Variants in ANKRD44 observed in about 807,000 individuals in gnomAD.
ANKRD44 encodes the protein ankyrin repeat domain 44.
A neutral mutation model predicts 116.0 loss-of-function variants in ANKRD44; 35 were observed. That is an observed-to-expected ratio of 0.30 (90% confidence interval 0.23 to 0.40). The LOEUF is 0.40. ANKRD44 is among the 10% of genes least tolerant of loss of function. The pLI is 1.00. For synonymous variants in ANKRD44, 435 were observed against 461.8 expected (o/e 0.94, Z 0.74); for missense variants, 1,014 against 1,242.6 (o/e 0.82, Z 2.77).
At position 197,310,694 on chromosome 2, in the gene ANKRD44, GA is replaced by G; in HGVS notation, c.-91del. ...GGGGAAGCGGAAGGGATTGCCAGGA[GA>G]AGGGAAAAAATCTGGCTCCCGAATT... On this transcript the variant is annotated 5_prime_UTR_variant, in exon 1 of 28. Transcript: ENST00000282272. 8.1e-7 allele frequency: 1 copy of G among 1,240,634 alleles called. No homozygotes were observed. The highest frequency in any genetic ancestry group is 1.0e-6 in the Non-Finnish European group (1 of 964,968). 76.9% of individuals were successfully genotyped at this position (1,240,634 alleles called of 1,614,324 possible).
chr2:197,091,392 C>G (rs2078040162), intron 10 of ANKRD44, among the ~76,000 whole-genome samples: 1 of 152,220 alleles, frequency 6.6e-6, no homozygotes, highest in Non-Finnish European at 1.5e-5. Context: ...ACAAAGGGGT[C>G]AGGGAAATAT....
At chr2:197,097,252 C>A (rs1424132549) in intron 10 of ANKRD44, among the ~76,000 whole-genome samples, 1 of 152,058 alleles carries the variant, frequency 6.6e-6, no homozygotes, top group Non-Finnish European at 1.5e-5. Context: ...GGAAGAAAAT[C>A]AGAAATTCAT....
chr2:196,997,588 T>C (rs1244250867), intron 25 of ANKRD44, among the ~76,000 whole-genome samples: 1 of 151,898 alleles, frequency 6.6e-6, no homozygotes, highest in Non-Finnish European at 1.5e-5. Context: ...TAGCTGGGAT[T>C]ACAGGCATGC....
chr2:197,046,611 A>C (rs1400903703), intron 16 of ANKRD44, among the ~76,000 whole-genome samples: 3 of 147,430 alleles, frequency 2.0e-5, no homozygotes, highest in Non-Finnish European at 4.4e-5. Flanking sequence ...GTGCCACTGC[A>C]CTCCAGCCTG....
At chr2:197,015,968 G>T in intron 17 of ANKRD44, 1 of 542,782 alleles carries the variant, frequency 1.8e-6, no homozygotes, top group Non-Finnish European at 3.6e-6. Flanking sequence ...TATGGTGGTG[G>T]TTGGGTCTGG....
At chr2:196,981,038 C>G (rs1459996556) in intron 21 of ANKRD44, among the ~76,000 whole-genome samples, 1 of 152,038 alleles carries the variant, frequency 6.6e-6, no homozygotes, top group Non-Finnish European at 1.5e-5. Flanking sequence ...TCTCAACCAC[C>G]CACTCCCATG....
At chr2:197,161,571 G>T (rs1180681100) in intron 2 of ANKRD44, among the ~76,000 whole-genome samples, 2 of 152,084 alleles carry the variant, frequency 1.3e-5, no homozygotes, top group African/African-American at 4.8e-5. Context: ...ACACCAGAGA[G>T]GACACAGGGA....
chr2:197,061,542 C>G (rs2077312851), intron 16 of ANKRD44, among the ~76,000 whole-genome samples: 1 of 152,148 alleles, frequency 6.6e-6, no homozygotes, highest in African/African-American at 2.4e-5. Context: ...CTGTGTTCAC[C>G]ATGAGAAGTG....
chr2:197,308,922 G>T (rs1328563200), intron 1 of ANKRD44, among the ~76,000 whole-genome samples: 2 of 152,192 alleles, frequency 1.3e-5, no homozygotes, highest in Non-Finnish European at 2.9e-5. Context: ...GCTAGTCCCA[G>T]TCCTGCAGGC....
intron 1 of ANKRD44, among the ~76,000 whole-genome samples, chr2:197,240,692 T>C (rs2082072963): frequency 7.0e-6 from 1 of 143,704 alleles, no homozygotes; most frequent in Non-Finnish European, 1.5e-5. Context: ...TTGAAGCAAG[T>C]TTTTTTTTTA....
chr2:197,300,496 T>C (rs1182721413), intron 1 of ANKRD44, among the ~76,000 whole-genome samples: 1 of 152,194 alleles, frequency 6.6e-6, no homozygotes, highest in Admixed American at 6.5e-5. Context: ...ACCTGCACTA[T>C]ATGTGGATTG....
At chr2:197,290,060 A>C (rs1246460264) in intron 1 of ANKRD44, among the ~76,000 whole-genome samples, 2 of 151,946 alleles carry the variant, frequency 1.3e-5, no homozygotes, top group Non-Finnish European at 2.9e-5. Flanking sequence ...GGGTTTCACT[A>C]TGTTGGCCAG....
At chr2:197,186,992 G>A in intron 2 of ANKRD44, 31 bp downstream of exon 2, 1 of 1,595,266 alleles carries the variant, frequency 6.3e-7, no homozygotes, top group Non-Finnish European at 8.6e-7. Context: ...GGCTAACAGG[G>A]CCTGAGTAGC....
chr2:197,102,264 G>A (rs567592353), intron 9 of ANKRD44, among the ~76,000 whole-genome samples: 1 of 152,268 alleles, frequency 6.6e-6, no homozygotes, highest in East Asian at 1.9e-4. Context: ...TATCTGGAAT[G>A]CCACAGTGAA....
intron 2 of ANKRD44, among the ~76,000 whole-genome samples, chr2:197,158,190 G>A (rs2079869136): frequency 6.6e-6 from 1 of 152,178 alleles, no homozygotes. Context: ...GGTCTTCGGA[G>A]TACCACCTTC....
intron 8 of ANKRD44, among the ~76,000 whole-genome samples, chr2:197,115,978 T>A (rs2918627): frequency 0.8 from 121,266 of 152,168 alleles, 52,335 homozygotes; most frequent in East Asian, 0.98. Context: ...TAAACTCAAA[T>A]CTCAGAGTTT....
At chr2:196,967,417 G>A (rs1250427835) in exon 22 of ANKRD44, 6 of 469,622 alleles carry the variant, frequency 1.3e-5, no homozygotes, top group Non-Finnish European at 2.7e-5. Context: ...GCAGCCAACC[G>A]ATGTTCTTGG....
At chr2:197,050,906 A>C (rs761779324) in intron 16 of ANKRD44, among the ~76,000 whole-genome samples, 22 of 152,084 alleles carry the variant, frequency 1.4e-4, no homozygotes, top group Non-Finnish European at 1.9e-4. Context: ...AGTTCTGTGA[A>C]AGCATAGTAC....
chr2:197,069,988 C>T (rs1259112841), intron 16 of ANKRD44, among the ~76,000 whole-genome samples: 1 of 151,770 alleles, frequency 6.6e-6, no homozygotes, highest in African/African-American at 2.4e-5. Flanking sequence ...TTATTGACAG[C>T]AATTTTTTGG....
Sources: allele counts gnomAD v4.1 joint callset (sites outside exome capture counted in the v4.1 genomes callset), GRCh38; gene constraint gnomAD v4.1.1; transcripts MANE v1.5; gene names NCBI Gene and HGNC (gene_info 2026-07-23, HGNC 2026-07-21).